KDM4C: variants seen among roughly 807,000 people sequenced by gnomAD.
KDM4C encodes lysine demethylase 4C, also known as lysine-specific demethylase 4C.
A neutral mutation model predicts 129.3 loss-of-function variants in KDM4C; 81 were observed. The observed-to-expected ratio is 0.63, with a 90% CI of 0.52 to 0.75. The LOEUF (loss-of-function observed/expected upper bound fraction) is 0.75, where lower values mean the gene tolerates loss of function less well. Ranked by LOEUF, KDM4C falls within the 30% of genes least tolerant of loss-of-function variation. KDM4C has a pLI of 0.00. For synonymous variants in KDM4C, 573 were observed against 456.1 expected (o/e 1.26, Z -3.26); for missense variants, 1,457 against 1,304.0 (o/e 1.12, Z -1.81).
chr9:7,165,139 A>G (rs1282626511), intron 19 of KDM4C, 99 bp from the exon 20 acceptor site: 7 of 1,411,720 alleles, frequency 5.0e-6, no homozygotes, highest in South Asian at 2.6e-5. Flanking sequence ...CACAGAGGCA[A>G]TAACTCCTTT....
chr9:6,744,539 A>G (rs1336695229), intron 1 of KDM4C, among the ~76,000 whole-genome samples: 4 of 152,092 alleles, frequency 2.6e-5, no homozygotes, highest in African/African-American at 9.7e-5. Flanking sequence ...AAAGAAAAAG[A>G]AAAAACTAGT....
In KDM4C at chr9:6,984,256, C is replaced by T. The variant is rs543662910; in HGVS notation, c.1206C>T (p.Asn402=). 5.3e-5 allele frequency: 85 copies of T among 1,613,884 alleles called. 1 individual carries two copies. In the South Asian group the frequency reaches 8.6e-4, roughly 16 times the overall value. The change falls in exon 10 of 22, where the codon AAC becomes AAT. Residue 402 remains asparagine (N), a synonymous_variant. Transcript: ENST00000381309. ...SDEVDGAEVP[N]PDSVTDDLKV... ...AAGTCGATGGGGCAGAGGTCCCTAA[C>T]CCCGACTCAGTCACAGATGACCTCA... is the stretch of plus-strand genomic sequence containing the variant.
intron 8 of KDM4C, among the ~76,000 whole-genome samples, chr9:6,975,492 GTC>G (rs1238622071): frequency 6.6e-6 from 1 of 152,198 alleles, no homozygotes. Context: ...ATCTAGCAAA[GTC>G]TCTGTTACTT....
At chr9:6,945,406 A>G (rs1826782639) in intron 8 of KDM4C, among the ~76,000 whole-genome samples, 1 of 152,224 alleles carries the variant, frequency 6.6e-6, no homozygotes, top group Non-Finnish European at 1.5e-5. Context: ...CAATTTGTGG[A>G]TTATAAAGCA....
intron 18 of KDM4C, among the ~76,000 whole-genome samples, chr9:7,118,727 G>C (rs752767515): frequency 6.6e-6 from 1 of 152,182 alleles, no homozygotes; most frequent in Non-Finnish European, 1.5e-5. Flanking sequence ...GTTCAGCCTT[G>C]CTGGTGCTGT....
chr9:6,771,062 C>G (rs1007740270), intron 1 of KDM4C, among the ~76,000 whole-genome samples: 8 of 145,414 alleles, frequency 5.5e-5, no homozygotes, highest in African/African-American at 1.5e-4. Flanking sequence ...GCGTGAGCCA[C>G]TGCGCCCGAC....
At chr9:7,068,912 GTCTCGA>G (rs1832820333) in intron 17 of KDM4C, among the ~76,000 whole-genome samples, 1 of 151,704 alleles carries the variant, frequency 6.6e-6, no homozygotes, top group African/African-American at 2.4e-5. Flanking sequence ...GGCCAGACTG[GTCTCGA>G]ACTCCTGACC....
chr9:6,753,466 G>T (rs1352316636), upstream of KDM4C, among the ~76,000 whole-genome samples: 2 of 152,242 alleles, frequency 1.3e-5, no homozygotes, highest in Admixed American at 6.5e-5. Flanking sequence ...TTGAGATGGG[G>T]TCTCGCTATG....
At chr9:6,728,405 G>T (rs138262378) in intron 1 of KDM4C, among the ~76,000 whole-genome samples, 4 of 151,886 alleles carry the variant, frequency 2.6e-5, no homozygotes, top group Non-Finnish European at 5.9e-5. Flanking sequence ...ACAGTGGAAC[G>T]CGCCTGAAAT....
intron 5 of KDM4C, among the ~76,000 whole-genome samples, chr9:6,872,773 G>C (rs1842970085): frequency 6.6e-6 from 1 of 152,132 alleles, no homozygotes; most frequent in Non-Finnish European, 1.5e-5. Flanking sequence ...CTTTGCACGT[G>C]AGATGAGTCT....
At chr9:7,124,723 T>G (rs1839857010) in intron 18 of KDM4C, among the ~76,000 whole-genome samples, 1 of 152,160 alleles carries the variant, frequency 6.6e-6, no homozygotes, top group African/African-American at 2.4e-5. Flanking sequence ...TTGTCAAATG[T>G]TTACATACCT....
rs1835595003 is a variant in KDM4C at position 6,834,923 on chromosome 9, G to T, written c.436-14584G>T. The T allele has an allele frequency of 4.3e-6, 5 of 1,164,074 alleles. No homozygotes were observed. The East Asian group carries it at 1.2e-4, about 27-fold the overall frequency. 72.1% of individuals were successfully genotyped at this position (1,164,074 alleles called of 1,614,324 possible). A position where few individuals can be genotyped will look rare whatever the true frequency, so the allele number is the denominator to read the frequency against. ...CACTGGTACCGTGATGGACTCCGGT[G>T]ACGGGGTCACCCACAGTGTGCCCAT... On this transcript the variant is annotated intron_variant, in intron 4 of 21. Coordinates refer to ENST00000381309, the MANE Select transcript of KDM4C (RefSeq NM_015061.6).
At chr9:6,806,498 A>AAAATAAATAAAT (rs3072002) in intron 3 of KDM4C, among the ~76,000 whole-genome samples, 78 of 146,804 alleles carry the variant, frequency 5.3e-4, no homozygotes, top group East Asian at 8.1e-4. Flanking sequence ...CCGTCTCGAA[A>AAAATAAATAAAT]AAATAAATAA....
intron 4 of KDM4C, chr9:6,834,607 C>A (rs149250871): frequency 1.3e-3 from 1,000 of 753,676 alleles, no homozygotes; most frequent in Non-Finnish European, 2.1e-3. Flanking sequence ...GTCGGAAGGA[C>A]TCCCATGTGG....
At chr9:6,788,356 A>T (rs1468707100) in intron 1 of KDM4C, among the ~76,000 whole-genome samples, 1 of 152,200 alleles carries the variant, frequency 6.6e-6, no homozygotes, top group South Asian at 2.1e-4. Context: ...TGCCTAGGGA[A>T]ATGCTCGGGC....
Position 6,721,237 on chromosome 9 carries a change from C to CT in KDM4C, c.49+260dup, listed in dbSNP as rs35919506. The CT allele has an allele frequency of 6.6e-3, 596 of 90,124 alleles. 3 individuals carry two copies. The highest frequency in any genetic ancestry group is 0.011 in the Non-Finnish European group (477 of 45,428). 5.6% of individuals were successfully genotyped at this position (90,124 alleles called of 1,614,324 possible). ...TACCAGTGCATGCCACTATGCCTGG[C>CT]TTTTTTTTTTTTTTTTTTTTAATTT... On this transcript the variant is annotated intron_variant, in intron 1 of 17. Transcript: ENST00000536108.
At chr9:6,880,088 T>G in intron 6 of KDM4C, 27 bp downstream of exon 6, 1 of 1,527,706 alleles carries the variant, frequency 6.5e-7, no homozygotes, top group Non-Finnish European at 9.0e-7. Flanking sequence ...AAATTTGTTT[T>G]CTGTGTTTTA....
At chr9:7,103,964 A>C in intron 18 of KDM4C, 94 bp downstream of exon 18, 7 of 1,098,800 alleles carry the variant, frequency 6.4e-6, no homozygotes, top group Non-Finnish European at 9.4e-6. Context: ...TTTATTCTGT[A>C]ATATGACTCA....
chr9:7,071,572 A>G (rs1177484675), intron 17 of KDM4C, among the ~76,000 whole-genome samples: 1 of 152,210 alleles, frequency 6.6e-6, no homozygotes, highest in African/African-American at 2.4e-5. Context: ...GAAAATAAAT[A>G]CATAAAATTG....
Sources: allele counts gnomAD v4.1 joint callset (sites outside exome capture counted in the v4.1 genomes callset), GRCh38; gene constraint gnomAD v4.1.1; transcripts MANE v1.5; gene names NCBI Gene and HGNC (gene_info 2026-07-23, HGNC 2026-07-21).